The following CHEK1 variants were observed in gnomAD, a reference collection of about 807,000 sequenced individuals.
CHEK1 encodes the protein checkpoint kinase 1, also known as serine/threonine-protein kinase Chk1.
Under a neutral mutation model 60.2 loss-of-function variants are expected in CHEK1, and 32 were observed. The observed-to-expected ratio is 0.53, with a 90% CI of 0.40 to 0.71. CHEK1 has a LOEUF of 0.71. Ranked by LOEUF, CHEK1 falls within the 30% of genes least tolerant of loss-of-function variation. The pLI, the probability that CHEK1 is intolerant of heterozygous loss-of-function variation, is 0.00. For synonymous variants in CHEK1, 179 were observed against 187.2 expected (o/e 0.96, Z 0.36); for missense variants, 399 against 564.6 (o/e 0.71, Z 2.97).
chr11:125,639,382 C>CTTTTTTTTTTT (rs367756024), intron 8 of CHEK1, among the ~76,000 whole-genome samples: 8 of 106,376 alleles, frequency 7.5e-5, no homozygotes, highest in South Asian at 3.3e-4. Context: ...ATACTTTTCT[C>CTTTTTTTTTTT]TTTTTTTTTT....
chr11:125,672,677 C>T, intron 13 of CHEK1: 1 of 1,614,154 alleles, frequency 6.2e-7, no homozygotes. Context: ...TAGATGGGCA[C>T]ATGTTCTCAC....
intron 2 of CHEK1, 94 bp downstream of exon 2, chr11:125,626,927 T>G: frequency 7.2e-7 from 1 of 1,381,534 alleles, no homozygotes; most frequent in Non-Finnish European, 1.0e-6. Flanking sequence ...ATGTTTGAGA[T>G]CCAAGGGTTT....
At chr11:125,672,343 C>T in intron 13 of CHEK1, 1 of 434,630 alleles carries the variant, frequency 2.3e-6, no homozygotes, top group Non-Finnish European at 4.1e-6. Flanking sequence ...GTGCTTTAAC[C>T]ATGTGAAATT....
chr11:125,655,350 G>A lies in CHEK1; in HGVS notation c.*30G>A, dbSNP rs760632598. The A allele has an allele frequency of 2.2e-5, 32 of 1,445,496 alleles. No individual in the cohort carries two copies. The highest frequency in any genetic ancestry group is 5.1e-5 in the Admixed American group (3 of 59,092). The allele number at this position is 1,445,496 out of a possible 1,614,324, so 89.5% of individuals were successfully genotyped here. On this transcript the variant is annotated 3_prime_UTR_variant, in exon 13 of 13. Transcript: ENST00000438015. ...ACCATCGGCTCTGGGGAATCCTGGT[G>A]AATATAGTGCTGCTATGTTGACATT...
At chr11:125,679,280 C>G (rs1942688663), downstream of CHEK1, among the ~76,000 whole-genome samples, 2 of 139,710 alleles carry the variant, frequency 1.4e-5, no homozygotes, top group South Asian at 4.7e-4. Context: ...TACAGTGGCA[C>G]AATCTTGGCT....
intron 8 of CHEK1, among the ~76,000 whole-genome samples, chr11:125,639,382 C>CTTTTTTTTTT (rs367756024): frequency 1.4e-4 from 15 of 106,376 alleles, no homozygotes; most frequent in African/African-American, 1.9e-4. Context: ...ATACTTTTCT[C>CTTTTTTTTTT]TTTTTTTTTT....
chr11:125,627,427 T>C (rs548246206), intron 2 of CHEK1, among the ~76,000 whole-genome samples, 180 bp from the exon 3 acceptor site: 1 of 152,344 alleles, frequency 6.6e-6, no homozygotes, highest in South Asian at 2.1e-4. Context: ...GGTTAGCTAT[T>C]GTATTTCACA....
At chr11:125,632,816 A>G (rs542186023) in intron 5 of CHEK1, among the ~76,000 whole-genome samples, 13 of 152,150 alleles carry the variant, frequency 8.5e-5, no homozygotes, top group Admixed American at 7.9e-4. Flanking sequence ...ACCCTACCTG[A>G]TGAGGGGCCT....
At chr11:125,677,428 A>C (rs888371781), downstream of CHEK1, among the ~76,000 whole-genome samples, 4 of 152,216 alleles carry the variant, frequency 2.6e-5, no homozygotes, top group Admixed American at 6.5e-5. Flanking sequence ...AACATGGTTT[A>C]AGAGGCAGGG....
downstream of CHEK1, chr11:125,676,256 G>A: frequency 3.5e-6 from 5 of 1,414,742 alleles, no homozygotes; most frequent in South Asian, 1.3e-5. Flanking sequence ...GAATCTTCAA[G>A]TTCCTTGATT....
chr11:125,640,376 C>T (rs920240110), intron 8 of CHEK1, among the ~76,000 whole-genome samples: 3 of 151,976 alleles, frequency 2.0e-5, no homozygotes, highest in Non-Finnish European at 2.9e-5. Flanking sequence ...CCCGTCTCTA[C>T]TAAAAATACA....
Position 125,653,715 on chromosome 11 carries a change from A to G in CHEK1, c.1234-31A>G, listed in dbSNP as rs1591421036. 3 of 1,125,444 alleles carry G rather than the reference A, an allele frequency of 2.7e-6. No individual in the cohort carries two copies. In the East Asian group the frequency reaches 7.3e-5, roughly 27 times the overall value. 69.7% of individuals were successfully genotyped at this position (1,125,444 alleles called of 1,614,324 possible). ...TTACTAGTTTATTATCTACTCACCC[A>G]TGTGGCTTAACCTTATTTTTGTTGC... is the stretch of plus-strand genomic sequence containing the variant. On this transcript the variant is annotated intron_variant, in intron 11 of 12. Transcript: ENST00000438015. The surrounding 1 kb of genome is among the most constrained non-coding windows in gnomAD (Gnocchi z 4.3).
chr11:125,645,462 C>A (rs1329927512), intron 11 of CHEK1, among the ~76,000 whole-genome samples: 1 of 151,912 alleles, frequency 6.6e-6, no homozygotes, highest in African/African-American at 2.4e-5. Flanking sequence ...GTTTTTTACT[C>A]AAGGAGACTA....
rs1941910658 is a variant in CHEK1, at chr11:125,656,669, C to A, written c.*1349C>A. ...CTTGAACCTCTTCTGTAAGCTCTAACCTTTTACCTGCTTTACATTTCCACT... is the reference window on the plus strand; with the variant it reads ...CTTGAACCTCTTCTGTAAGCTCTAAACTTTTACCTGCTTTACATTTCCACT... On this transcript the variant is annotated 3_prime_UTR_variant, in exon 13 of 13. Transcript: ENST00000438015. 4.6e-6 allele frequency: 1 copy of A among 215,604 alleles called. No individual in the cohort carries two copies. The highest frequency in any genetic ancestry group is 9.3e-6 in the Non-Finnish European group (1 of 106,992). 13.4% of individuals were successfully genotyped at this position (215,604 alleles called of 1,614,324 possible). A position where few individuals can be genotyped will look rare whatever the true frequency, so the allele number is the denominator to read the frequency against.
rs890619486 is a variant in CHEK1, at chr11:125,626,240, G to C, written c.-21+228G>C. 1.2e-5 allele frequency: 7 copies of C among 575,940 alleles called. No individual in the cohort carries two copies. In the Admixed American group the frequency reaches 1.8e-4, roughly 15 times the overall value. 35.7% of individuals were successfully genotyped at this position (575,940 alleles called of 1,614,324 possible). A position where few individuals can be genotyped will look rare whatever the true frequency, so the allele number is the denominator to read the frequency against. On this transcript the variant is annotated intron_variant, in intron 1 of 12. Coordinates refer to ENST00000438015, the MANE Select transcript of CHEK1 (RefSeq NM_001114122.3). ...ACCCGCTGCTAGCTAAGAACCCCAA[G>C]GAAGAGTCCCAGCCCTTCCTTTCGC...
At chr11:125,670,662 C>T (rs1455344017) in intron 13 of CHEK1, among the ~76,000 whole-genome samples, 1 of 152,008 alleles carries the variant, frequency 6.6e-6, no homozygotes, top group Non-Finnish European at 1.5e-5. Context: ...TTCAGGAGTA[C>T]CCCCTAATTT....
Position 125,629,236 on chromosome 11 carries a change from A to G in CHEK1, c.294A>G (p.Pro98=), listed in dbSNP as rs761116273. 1.9e-6 allele frequency: 3 copies of G among 1,614,122 alleles called. No individual in the cohort carries two copies. The highest frequency in any genetic ancestry group is 2.5e-6 in the Non-Finnish European group (3 of 1,179,958). ...SGGELFDRIE[P]DIGMPEPDAQ... is the part of the protein sequence containing the mutation. ...TTACTTTCATATTTGTTTTAGAGCCAGACATAGGCATGCCTGAACCAGATG... is the reference window on the plus strand; with the variant it reads ...TTACTTTCATATTTGTTTTAGAGCCGGACATAGGCATGCCTGAACCAGATG... The change falls in exon 4 of 13, where the codon CCA becomes CCG. Residue 98 remains proline (P), a synonymous_variant. Transcript: ENST00000438015.
chr11:125,635,523 T>C lies in CHEK1; in HGVS notation c.708T>C (p.Ser236=). ...TYLNPWKKID[S]APLALLHKIL... ...TCAACCCTTGGAAAAAAATCGATTC[T>C]GCTCCTCTAGGTAACTGAATTATCT... The change falls in exon 7 of 13, where the codon TCT becomes TCC. Residue 236 remains serine (S), a synonymous_variant. Coordinates refer to ENST00000438015, the MANE Select transcript of CHEK1 (RefSeq NM_001114122.3). 6.3e-7 allele frequency: 1 copy of C among 1,598,300 alleles called. No individual in the cohort carries two copies. Among genetic ancestry groups the C allele is most frequent in the Non-Finnish European group, 8.5e-7 (1 of 1,170,840 alleles).
chr11:125,645,035 A>G (rs1941447319), intron 11 of CHEK1, among the ~76,000 whole-genome samples: 1 of 152,186 alleles, frequency 6.6e-6, no homozygotes, highest in African/African-American at 2.4e-5. Flanking sequence ...TAAAAATACA[A>G]AGTAATTAGT....
Sources: allele counts gnomAD v4.1 joint callset (sites outside exome capture counted in the v4.1 genomes callset), GRCh38; gene constraint gnomAD v4.1.1; non-coding constraint Gnocchi (gnomAD v3.1); transcripts MANE v1.5; gene names NCBI Gene and HGNC (gene_info 2026-07-23, HGNC 2026-07-21).